Variants in ZNF710 observed in about 807,000 individuals in gnomAD.
ZNF710 encodes the protein zinc finger protein 710.
Under a neutral mutation model 50.6 loss-of-function variants are expected in ZNF710, and 13 were observed. The observed-to-expected ratio is 0.26, with a 90% CI of 0.17 to 0.41. The LOEUF (loss-of-function observed/expected upper bound fraction) is 0.41, where lower values mean the gene tolerates loss of function less well. Among genes scored for constraint, ZNF710 ranks in the 10% least tolerant of loss-of-function variants. ZNF710 has a pLI of 1.00. For missense variants in ZNF710, 721 were observed against 936.6 expected (o/e 0.77, Z 3.01); for synonymous variants, 383 against 397.0 (o/e 0.96, Z 0.42).
chr15:90,074,800 C>T, intron 4 of ZNF710: 1 of 328,400 alleles, frequency 3.0e-6, no homozygotes, highest in Non-Finnish European at 5.9e-6. Context: ...AGGTGAGGTC[C>T]CAACTCCAAG....
At chr15:90,072,302 G>T (rs978541570) in intron 2 of ZNF710, among the ~76,000 whole-genome samples, 1 of 152,178 alleles carries the variant, frequency 6.6e-6, no homozygotes, top group Non-Finnish European at 1.5e-5. Context: ...AGAATCATCT[G>T]GGGGCCCTGT....
chr15:90,028,567 A>G (rs367888109), intron 1 of ZNF710, among the ~76,000 whole-genome samples: 41 of 152,354 alleles, frequency 2.7e-4, no homozygotes, highest in Middle Eastern at 3.4e-3. Context: ...GTTGAGGTTC[A>G]GAGAGGTTAA....
intron 4 of ZNF710, among the ~76,000 whole-genome samples, chr15:90,076,808 CA>C (rs1321536171): frequency 2.0e-5 from 3 of 152,032 alleles, no homozygotes; most frequent in Non-Finnish European, 4.4e-5. Context: ...GCCCCACCCC[CA>C]TCCCACCACC....
At chr15:90,018,263 G>C (rs1898510794) in intron 1 of ZNF710, among the ~76,000 whole-genome samples, 1 of 151,530 alleles carries the variant, frequency 6.6e-6, no homozygotes, top group East Asian at 1.9e-4. Flanking sequence ...CCGCCTCCCG[G>C]ATTCAAGCAG....
chr15:90,016,599 G>A (rs1423422899), intron 1 of ZNF710, among the ~76,000 whole-genome samples: 2 of 152,152 alleles, frequency 1.3e-5, no homozygotes, highest in African/African-American at 4.8e-5. Flanking sequence ...GTACCATCAT[G>A]CCTGGCTCAT....
intron 4 of ZNF710, 44 bp downstream of exon 4, chr15:90,074,334 C>A (rs1436045988): frequency 1.2e-6 from 2 of 1,605,512 alleles, no homozygotes; most frequent in East Asian, 4.5e-5. Context: ...ATGATACCAA[C>A]ATGACGCACT....
chr15:90,071,657 C>A (rs1331253912), intron 2 of ZNF710, among the ~76,000 whole-genome samples: 1 of 147,788 alleles, frequency 6.8e-6, no homozygotes, highest in Non-Finnish European at 1.5e-5. Context: ...AAAAAAATTT[C>A]TTTTATTTAT....
chr15:90,068,438 T>C lies in ZNF710; in HGVS notation c.1301T>C (p.Leu434Pro). 1 of 1,614,080 alleles carries C rather than the reference T, an allele frequency of 6.2e-7. No individual in the cohort carries two copies. Among genetic ancestry groups the C allele is most frequent in the Non-Finnish European group, 8.5e-7 (1 of 1,180,028 alleles). Reference protein sequence around the residue: ...RHLASHQGPTLYQCLECDKSF... With the variant: ...RHLASHQGPTPYQCLECDKSF... ...CTGGCCTCCCACCAGGGCCCCACCC[T>C]CTACCAGTGCCTCGAGTGTGACAAG... Residue 434 changes from leucine (L) to proline (P), a missense_variant, in exon 2 of 5, where the codon CTC becomes CCC. Physicochemically the swap from Leu to Pro is moderately conservative, Grantham distance 98 (BLOSUM62 -3). Coordinates refer to ENST00000268154, the MANE Select transcript of ZNF710 (RefSeq NM_198526.4). This position sits in a 1 kb window ranked among gnomAD's most constrained non-coding sequence, Gnocchi z 5.0.
chr15:90,012,290 A>ATTTTTT (rs1026567607), intron 1 of ZNF710, among the ~76,000 whole-genome samples: 21 of 94,552 alleles, frequency 2.2e-4, no homozygotes, highest in East Asian at 3.3e-4. Flanking sequence ...TTGAGTGTGC[A>ATTTTTT]TTTTTTTTTT....
chr15:90,041,138 G>GT (rs543426064), intron 1 of ZNF710, among the ~76,000 whole-genome samples: 66 of 147,788 alleles, frequency 4.5e-4, no homozygotes, highest in African/African-American at 7.6e-4. Flanking sequence ...GATCAATTCT[G>GT]TTTTTTTTTT....
intron 1 of ZNF710, among the ~76,000 whole-genome samples, chr15:90,009,846 G>T (rs928011815): frequency 1.3e-5 from 2 of 152,040 alleles, no homozygotes; most frequent in Non-Finnish European, 2.9e-5. Flanking sequence ...TCTCACTCCA[G>T]CTGGCTCTCC....
Position 90,068,469 on chromosome 15 carries a change from C to A in ZNF710, c.1332C>A (p.Phe444Leu), listed in dbSNP as rs74417237. Reference sequence around the variant, plus strand: ...AGTGCCTCGAGTGTGACAAGTCCTTCCACTACCGCAGCCAGTTGCAGAACC... The same window carrying A: ...AGTGCCTCGAGTGTGACAAGTCCTTACACTACCGCAGCCAGTTGCAGAACC... ...LYQCLECDKS[F>L]HYRSQLQNHM... Residue 444 changes from phenylalanine to leucine, a missense_variant, in exon 2 of 5, where the codon TTC (phenylalanine) becomes TTA (leucine). Physicochemically the swap from Phe to Leu is conservative, Grantham distance 22. Coordinates refer to ENST00000268154, the MANE Select transcript of ZNF710 (RefSeq NM_198526.4). This position sits in a 1 kb window ranked among gnomAD's most constrained non-coding sequence, Gnocchi z 5.0. 1 of 1,614,148 alleles carries A rather than the reference C, an allele frequency of 6.2e-7. No individual in the cohort carries two copies. Among genetic ancestry groups the A allele is most frequent in the Non-Finnish European group, 8.5e-7 (1 of 1,180,042 alleles).
intron 1 of ZNF710, chr15:90,006,917 G>T (rs1384297150): frequency 2.6e-5 from 4 of 154,742 alleles, no homozygotes; most frequent in African/African-American, 7.2e-5. Flanking sequence ...ATTGGGTGAC[G>T]CTGGGAAAGT....
intron 1 of ZNF710, among the ~76,000 whole-genome samples, chr15:90,011,518 A>G (rs1898305115): frequency 6.6e-6 from 1 of 152,182 alleles, no homozygotes; most frequent in South Asian, 2.1e-4. Flanking sequence ...CCCACATTCC[A>G]TTGTCATACA....
At chr15:90,061,657 C>A (rs1489267983) in intron 1 of ZNF710, among the ~76,000 whole-genome samples, 1 of 152,180 alleles carries the variant, frequency 6.6e-6, no homozygotes, top group East Asian at 1.9e-4. Flanking sequence ...CTGATCCCAC[C>A]CGACCCTCCT....
rs1422671367 is a variant in ZNF710, at chr15:90,040,273, A to G, written c.-28-26837A>G. Among the ~76,000 whole-genome samples the G allele has an allele frequency of 1.3e-5, 2 of 152,208 alleles. No homozygotes were observed. Among genetic ancestry groups the G allele is most frequent in the African/African-American group, 4.8e-5 (2 of 41,444 alleles). ...AGTCGTGTCTGAGGATCTGGTCCCCAGCTCTAGGCAACAGCAGAAACCCTG... is the reference window on the plus strand; with the variant it reads ...AGTCGTGTCTGAGGATCTGGTCCCCGGCTCTAGGCAACAGCAGAAACCCTG... On this transcript the variant is annotated intron_variant, in intron 1 of 4. Coordinates refer to ENST00000268154, the MANE Select transcript of ZNF710 (RefSeq NM_198526.4). The surrounding 1 kb of genome is among the most constrained non-coding windows in gnomAD (Gnocchi z 4.6).
Position 90,067,550 on chromosome 15 carries a change from C to G in ZNF710, c.413C>G (p.Ala138Gly). ...GACAAGGACGCAGGGCCAGCAGAAG[C>G]CCCCGCCGAGGCGGCCAGTGGCGGC... Reference protein sequence around the residue: ...GDDKDAGPAEAPAEAASGGCD... With the variant: ...GDDKDAGPAEGPAEAASGGCD... The change falls in exon 2 of 5, where the codon GCC becomes GGC. Residue 138 changes from alanine to glycine, a missense_variant. Transcript: ENST00000268154. The surrounding 1 kb of genome is among the most constrained non-coding windows in gnomAD (Gnocchi z 8.1). 17 of 1,612,684 alleles carry G rather than the reference C, an allele frequency of 1.1e-5. No homozygotes were observed. The highest frequency in any genetic ancestry group is 1.4e-5 in the Non-Finnish European group (17 of 1,179,350).
intron 1 of ZNF710, among the ~76,000 whole-genome samples, chr15:90,026,248 A>G (rs1301349646): frequency 4.3e-5 from 6 of 140,818 alleles, no homozygotes; most frequent in South Asian, 4.4e-4. Flanking sequence ...GAGAAAAAAA[A>G]CAAAACAACA....
chr15:90,074,416 G>A, intron 4 of ZNF710, 126 bp downstream of exon 4: 2 of 1,550,550 alleles, frequency 1.3e-6, no homozygotes, highest in Middle Eastern at 3.3e-4. Context: ...GTGGGCTCAG[G>A]TCTGGAAGGG....
Sources: gnomAD v4.1 joint callset for allele counts (sites outside exome capture counted in the v4.1 genomes callset) on GRCh38, gnomAD v4.1.1 for gene constraint, Gnocchi (gnomAD v3.1) non-coding constraint, MANE v1.5 for transcripts, NCBI Gene and HGNC (gene_info 2026-07-23, HGNC 2026-07-21) for gene names.